The following TEK variants were observed in gnomAD, a reference collection of about 807,000 sequenced individuals.
The protein encoded by TEK is angiopoietin-1 receptor.
Under a neutral mutation model 131.8 loss-of-function variants are expected in TEK, and 43 were observed. The observed-to-expected ratio is 0.33, with a 90% CI of 0.26 to 0.42. The LOEUF (loss-of-function observed/expected upper bound fraction) is 0.42. Ranked by LOEUF, TEK falls within the 10% of genes least tolerant of loss-of-function variation. The pLI is 1.00. For synonymous variants in TEK, 580 were observed against 491.6 expected, an observed-to-expected ratio of 1.18 and a Z score of -2.38; for missense variants, 1,162 against 1,384.4, an observed-to-expected ratio of 0.84 and a Z score of 2.55.
chr9:27,219,944 G>A, intron 20 of TEK, 105 bp from the exon 21 acceptor site: 1 of 1,177,906 alleles, frequency 8.5e-7, no homozygotes, highest in South Asian at 1.2e-5. Flanking sequence ...ACCCTCTCTT[G>A]CCATACCATG....
At chr9:27,227,172 C>T (rs973670901) in intron 21 of TEK, among the ~76,000 whole-genome samples, 5 of 152,244 alleles carry the variant, frequency 3.3e-5, no homozygotes, top group South Asian at 4.1e-4. Flanking sequence ...CATAAGGTTC[C>T]CCAGAGTCAT....
intron 2 of TEK, among the ~76,000 whole-genome samples, chr9:27,160,896 A>G (rs984835888): frequency 1.3e-5 from 2 of 152,190 alleles, no homozygotes; most frequent in Non-Finnish European, 2.9e-5. Flanking sequence ...AGTCAGCTCT[A>G]TTATTTTTCA....
At chr9:27,109,728 T>C in intron 1 of TEK, 86 bp downstream of exon 1, 8 of 1,337,920 alleles carry the variant, frequency 6.0e-6, no homozygotes, top group African/African-American at 1.5e-5. Flanking sequence ...ATCTCATCAG[T>C]GCTGATGAAC....
chr9:27,211,860 AT>A (rs34508892), intron 16 of TEK, among the ~76,000 whole-genome samples: 49,810 of 151,564 alleles, frequency 0.33, 9,055 homozygotes, highest in East Asian at 0.58. Context: ...TTAACTTTAC[AT>A]TTTTAGTAGG....
At chr9:27,223,648 G>T (rs1419865069) in intron 21 of TEK, among the ~76,000 whole-genome samples, 1 of 152,120 alleles carries the variant, frequency 6.6e-6, no homozygotes, top group East Asian at 1.9e-4. Flanking sequence ...AGCTCTAAAT[G>T]CCCACAGGAG....
intron 10 of TEK, 76 bp from the exon 11 acceptor site, chr9:27,192,413 C>G (rs1049458066): frequency 3.8e-6 from 6 of 1,566,180 alleles, no homozygotes; most frequent in Admixed American, 3.3e-5. Context: ...TAGTTCACAT[C>G]GCAATAACAA....
chr9:27,169,659 T>C, intron 4 of TEK, 30 bp downstream of exon 4: 1 of 1,613,614 alleles, frequency 6.2e-7, no homozygotes, highest in Non-Finnish European at 8.5e-7. Context: ...CCATTTGTGA[T>C]GGTGTAGTTG....
intron 1 of TEK, among the ~76,000 whole-genome samples, chr9:27,130,506 C>G (rs1289751585): frequency 3.3e-5 from 5 of 151,244 alleles, no homozygotes; most frequent in African/African-American, 1.2e-4. Context: ...AACCACAAAA[C>G]TAAAAATCAG....
intron 1 of TEK, among the ~76,000 whole-genome samples, chr9:27,113,362 AGGTG>A (rs1821421746): frequency 2.0e-5 from 3 of 152,128 alleles, no homozygotes; most frequent in African/African-American, 7.2e-5. Flanking sequence ...AGGCCCAGGC[AGGTG>A]GATCATGAGG....
At chr9:27,137,462 A>T (rs964511637) in intron 1 of TEK, among the ~76,000 whole-genome samples, 1 of 150,490 alleles carries the variant, frequency 6.6e-6, no homozygotes, top group African/African-American at 2.4e-5. Flanking sequence ...CTAGCTTAAA[A>T]GAATAGATAC....
chr9:27,178,437 A>C (rs920173784), intron 6 of TEK, among the ~76,000 whole-genome samples: 3 of 152,094 alleles, frequency 2.0e-5, no homozygotes, highest in Non-Finnish European at 4.4e-5. Flanking sequence ...TGCTTTGGCT[A>C]TTCTAGGCCT....
chr9:27,132,296 C>G (rs1033652786), intron 1 of TEK, among the ~76,000 whole-genome samples: 1 of 152,010 alleles, frequency 6.6e-6, no homozygotes, highest in East Asian at 1.9e-4. Context: ...CCATGTTGGT[C>G]AGGCTGGTCT....
At chr9:27,110,806 C>T (rs181544272) in intron 1 of TEK, among the ~76,000 whole-genome samples, 1 of 152,174 alleles carries the variant, frequency 6.6e-6, no homozygotes, top group East Asian at 1.9e-4. Flanking sequence ...ACACAAGTTG[C>T]TAAAAATTAA....
At chr9:27,135,899 A>G (rs911129199) in intron 1 of TEK, among the ~76,000 whole-genome samples, 1 of 152,226 alleles carries the variant, frequency 6.6e-6, no homozygotes, top group Non-Finnish European at 1.5e-5. Context: ...GCAGAGCCCA[A>G]GTCACTTGCA....
chr9:27,228,202 G>A lies in TEK; in HGVS notation c.3201-4G>A, dbSNP rs138855043. 1.1e-3 allele frequency: 1,837 copies of A among 1,611,162 alleles called. 22 individuals carry two copies. In the African/African-American group the frequency reaches 0.021, roughly 18 times the overall value. On this transcript the variant is annotated splice_region_variant and splice_polypyrimidine_tract_variant and intron_variant, in intron 21 of 22. Transcript: ENST00000380036. ...ATTAACCCTTTAATTCTTTGCTTTC[G>A]AAGGTATGATCTAATGAGACAATGC...
At chr9:27,171,313 C>G (rs7871318) in intron 4 of TEK, among the ~76,000 whole-genome samples, 1 of 152,118 alleles carries the variant, frequency 6.6e-6, no homozygotes, top group Non-Finnish European at 1.5e-5. Flanking sequence ...ATTCCTCTAA[C>G]GATTGCCATC....
At chr9:27,122,609 G>A (rs1208300746) in intron 1 of TEK, among the ~76,000 whole-genome samples, 1 of 152,100 alleles carries the variant, frequency 6.6e-6, no homozygotes, top group African/African-American at 2.4e-5. Context: ...GGATGAAGCG[G>A]TGTGAGGTAG....
intron 1 of TEK, among the ~76,000 whole-genome samples, chr9:27,127,601 T>C (rs1372592482): frequency 6.6e-6 from 1 of 152,252 alleles, no homozygotes; most frequent in Non-Finnish European, 1.5e-5. Flanking sequence ...CCACCAACAG[T>C]GTAAAAACGT....
At chr9:27,157,188 GA>G (rs1823364087) in intron 1 of TEK, among the ~76,000 whole-genome samples, 1 of 152,110 alleles carries the variant, frequency 6.6e-6, no homozygotes, top group African/African-American at 2.4e-5. Context: ...AAAGAGAAAT[GA>G]AATAATAATC....
Sources: allele counts gnomAD v4.1 joint callset (sites outside exome capture counted in the v4.1 genomes callset), GRCh38; gene constraint gnomAD v4.1.1; transcripts MANE v1.5; gene names NCBI Gene and HGNC (gene_info 2026-07-23, HGNC 2026-07-21).